The following NEK10 variants were observed in gnomAD, a reference collection of about 807,000 sequenced individuals.
NEK10 encodes serine/threonine-protein kinase Nek10.
In NEK10, 122 loss-of-function variants were observed where a neutral mutation model predicts 159.8. The observed-to-expected ratio is 0.76, with a 90% CI of 0.66 to 0.89. NEK10 has a LOEUF of 0.89. Among genes scored for constraint, NEK10 ranks in the 40% least tolerant of loss-of-function variants. The pLI, the probability that NEK10 is intolerant of heterozygous loss-of-function variation, is 0.00. For synonymous variants in NEK10, 466 were observed against 457.1 expected, an observed-to-expected ratio of 1.02 and a Z score of -0.25; for missense variants, 1,342 against 1,323.1, an observed-to-expected ratio of 1.01 and a Z score of -0.22.
chr3:27,202,668 C>T (rs1950158233), intron 23 of NEK10, 111 bp from the exon 24 acceptor site: 1 of 1,300,446 alleles, frequency 7.7e-7, no homozygotes, highest in African/African-American at 1.5e-5. Flanking sequence ...AAATGTTTAA[C>T]TTAATCACTA....
intron 20 of NEK10, among the ~76,000 whole-genome samples, chr3:27,285,941 A>G (rs2042560025): frequency 6.6e-6 from 1 of 152,126 alleles, no homozygotes; most frequent in Non-Finnish European, 1.5e-5. Flanking sequence ...CCAATTTTTC[A>G]TAATTTCAAG....
intron 22 of NEK10, among the ~76,000 whole-genome samples, chr3:27,263,839 G>A (rs191064379): frequency 1.5e-3 from 229 of 152,186 alleles, no homozygotes; most frequent in African/African-American, 2.2e-3. Flanking sequence ...CCCACTTTCC[G>A]ACACTCCTCA....
At chr3:27,259,620 A>G (rs928919280) in intron 22 of NEK10, among the ~76,000 whole-genome samples, 13 of 152,286 alleles carry the variant, frequency 8.5e-5, no homozygotes, top group African/African-American at 2.9e-4. Flanking sequence ...TGGCTACCGT[A>G]GCCTTGTAGT....
rs1949185217 is a variant in NEK10, at chr3:27,192,262, T to C, written c.2292-20A>G. ...AGGCACCTAAGATAACATGAGATAATTATAACACTCTGGTCAATGTTGGGA... is the reference window on the plus strand; with the variant it reads ...AGGCACCTAAGATAACATGAGATAACTATAACACTCTGGTCAATGTTGGGA... On this transcript the variant is annotated intron_variant, in intron 25 of 35. Coordinates refer to ENST00000691995, the MANE Select transcript of NEK10 (RefSeq NM_001394966.1). 3 of 1,583,574 alleles carry C rather than the reference T, an allele frequency of 1.9e-6. No individual in the cohort carries two copies. Among genetic ancestry groups the C allele is most frequent in the Non-Finnish European group, 2.6e-6 (3 of 1,152,654 alleles).
At chr3:27,277,438 T>C (rs1394185678) in intron 22 of NEK10, among the ~76,000 whole-genome samples, 1 of 152,180 alleles carries the variant, frequency 6.6e-6, no homozygotes, top group African/African-American at 2.4e-5. Flanking sequence ...TCACCTGCCA[T>C]TTTAATAATC....
chr3:27,324,865 G>A (rs927136200), intron 5 of NEK10, among the ~76,000 whole-genome samples: 3 of 152,140 alleles, frequency 2.0e-5, no homozygotes, highest in African/African-American at 7.2e-5. Context: ...CTGGCCTCAT[G>A]TCTTTCCACT....
At chr3:27,264,822 G>A (rs959983697) in intron 22 of NEK10, among the ~76,000 whole-genome samples, 15 of 151,742 alleles carry the variant, frequency 9.9e-5, no homozygotes, top group African/African-American at 2.9e-4. Context: ...GGAACCCGGC[G>A]GGCAGAGCTT....
At chr3:27,309,101 G>T in intron 9 of NEK10, 96 bp from the exon 10 acceptor site, 10 of 597,182 alleles carry the variant, frequency 1.7e-5, no homozygotes, top group Admixed American at 2.8e-5. Context: ...CCAGCTGCTT[G>T]AATGACAAAA....
At chr3:27,115,379 C>A (rs895850284) in intron 35 of NEK10, among the ~76,000 whole-genome samples, 2 of 152,178 alleles carry the variant, frequency 1.3e-5, no homozygotes, top group East Asian at 1.9e-4. Context: ...ATAGCATATA[C>A]TCTTAGAACA....
chr3:27,225,090 G>A (rs918825309), intron 23 of NEK10, among the ~76,000 whole-genome samples: 17 of 152,304 alleles, frequency 1.1e-4, no homozygotes, highest in African/African-American at 4.1e-4. Flanking sequence ...GCAGGCTGAG[G>A]AGCAAGGAGA....
intron 23 of NEK10, among the ~76,000 whole-genome samples, chr3:27,238,746 C>CGTGTGTGTGTGTGTGTGTGT (rs59740177): frequency 7.2e-6 from 1 of 138,038 alleles, no homozygotes; most frequent in Non-Finnish European, 1.5e-5. Context: ...CCTCCCCTTT[C>CGTGTGTGTGTGTGTGTGTGT]GTGTGTGTGT....
intron 31 of NEK10, among the ~76,000 whole-genome samples, chr3:27,135,741 T>C (rs1943127183): frequency 6.6e-6 from 1 of 152,220 alleles, no homozygotes; most frequent in African/African-American, 2.4e-5. Flanking sequence ...TCAAAGACTG[T>C]TATCAAACTA....
intron 26 of NEK10, among the ~76,000 whole-genome samples, chr3:27,187,619 T>C (rs1212269760): frequency 6.6e-6 from 1 of 151,826 alleles, no homozygotes; most frequent in Non-Finnish European, 1.5e-5. Flanking sequence ...AGGAGTGTAA[T>C]GGAAAACACT....
At chr3:27,179,287 ATATT>A (rs1216057558) in intron 26 of NEK10, among the ~76,000 whole-genome samples, 2 of 152,212 alleles carry the variant, frequency 1.3e-5, no homozygotes, top group African/African-American at 2.4e-5. Flanking sequence ...AACTTATTAA[ATATT>A]TACACAAAGC....
Position 27,344,290 on chromosome 3 carries a change from T to C in NEK10, c.344A>G (p.Lys115Arg), listed in dbSNP as rs779997830. 1 of 1,584,848 alleles carries C rather than the reference T, an allele frequency of 6.3e-7. No individual in the cohort carries two copies. Among genetic ancestry groups the C allele is most frequent in the South Asian group, 1.1e-5 (1 of 88,942 alleles). The change falls in exon 5 of 36, where the codon AAA (lysine) becomes AGA (arginine). Residue 115 changes from lysine to arginine, a missense_variant. Coordinates refer to ENST00000691995, the MANE Select transcript of NEK10 (RefSeq NM_001394966.1). ...LFQEIFTALVKNRLISREWVN... is the reference protein window; with the variant it reads ...LFQEIFTALVRNRLISREWVN... ...ATCTTACCTGCTTATGAGTCTATTTTTCACCAAGGCGGTAAAGATCTCCTG... is the reference window on the plus strand; with the variant it reads ...ATCTTACCTGCTTATGAGTCTATTTCTCACCAAGGCGGTAAAGATCTCCTG...
At chr3:27,202,629 C>A in intron 23 of NEK10, 72 bp from the exon 24 acceptor site, 1 of 1,386,512 alleles carries the variant, frequency 7.2e-7, no homozygotes, top group Non-Finnish European at 9.5e-7. Context: ...AATTTTCAAG[C>A]TTTATTGGAG....
chr3:27,244,245 C>T (rs1954841176), intron 23 of NEK10, among the ~76,000 whole-genome samples: 1 of 152,162 alleles, frequency 6.6e-6, no homozygotes. Context: ...TGGAGATACA[C>T]CAAAAGTTTG....
chr3:27,296,089 A>C (rs924367092), intron 14 of NEK10, among the ~76,000 whole-genome samples: 1 of 152,144 alleles, frequency 6.6e-6, no homozygotes, highest in African/African-American at 2.4e-5. Context: ...CCAGTTATTA[A>C]TTTATGTCTT....
intron 30 of NEK10, among the ~76,000 whole-genome samples, chr3:27,144,407 G>T (rs568100523): frequency 6.6e-6 from 1 of 152,160 alleles, no homozygotes; most frequent in African/African-American, 2.4e-5. Context: ...CTCATTGTGC[G>T]TAAGTACAAG....
Sources: allele counts gnomAD v4.1 joint callset (sites outside exome capture counted in the v4.1 genomes callset), GRCh38; gene constraint gnomAD v4.1.1; transcripts MANE v1.5; gene names NCBI Gene and HGNC (gene_info 2026-07-23, HGNC 2026-07-21).